The following ZSCAN2 variants were observed in gnomAD, a reference collection of about 807,000 sequenced individuals.
The protein encoded by ZSCAN2 is zinc finger and SCAN domain-containing protein 2.
Under a neutral mutation model 47.8 loss-of-function variants are expected in ZSCAN2, and 26 were observed. That is an observed-to-expected ratio of 0.54 (90% CI 0.40 to 0.75). The LOEUF is 0.75. Among genes scored for constraint, ZSCAN2 ranks in the 30% least tolerant of loss-of-function variants. The probability of loss-of-function intolerance (pLI) is 0.00; values close to 1 mark genes in which losing one functional copy is unlikely to be tolerated. For synonymous variants in ZSCAN2, 305 were observed against 288.7 expected, an observed-to-expected ratio of 1.06 and a Z score of -0.57; for missense variants, 732 against 785.4, an observed-to-expected ratio of 0.93 and a Z score of 0.81.
intron 2 of ZSCAN2, chr15:84,606,330 A>G: frequency 1.8e-6 from 1 of 549,430 alleles, no homozygotes; most frequent in South Asian, 1.9e-5. Context: ...TTGTCATTTC[A>G]CAGATAGGAA....
intron 2 of ZSCAN2, among the ~76,000 whole-genome samples, chr15:84,617,716 C>T (rs1895727872): frequency 6.6e-6 from 1 of 152,202 alleles, no homozygotes; most frequent in East Asian, 1.9e-4. Context: ...GCAGGAGGAT[C>T]ACTCAAGCCC....
intron 2 of ZSCAN2, chr15:84,616,325 A>G (rs760978630): frequency 2.0e-6 from 3 of 1,527,922 alleles, no homozygotes; most frequent in South Asian, 1.1e-5. Flanking sequence ...CTTCCTGCGT[A>G]CATGGCTGCC....
In ZSCAN2 at chr15:84,620,261, A is replaced by G. The variant is rs1895785372; in HGVS notation, c.407-341A>G. ...TTCCAATTCCATTCATGTCCCTGCA[A>G]AAGATATGATCTCATTCTTTTTTTT... is the stretch of plus-strand genomic sequence containing the variant. On this transcript the variant is annotated intron_variant, in intron 2 of 2. Transcript: ENST00000546148. 3.9e-5 allele frequency among the ~76,000 whole-genome samples: 6 copies of G among 152,328 alleles called. No individual in the cohort carries two copies. In the South Asian group the frequency reaches 1.2e-3, roughly 32 times the overall value.
rs146819106 is a variant in ZSCAN2 at position 84,611,343 on chromosome 15, C to G, written c.406+7010C>G. On this transcript the variant is annotated intron_variant, in intron 2 of 2. Coordinates refer to ENST00000546148, the MANE Select transcript of ZSCAN2 (RefSeq NM_181877.4). ...TGGTGGCACACACCTATAGTCCCAA[C>G]TACTTGGGGGCTGAGGTGGGAGGAT... Among the ~76,000 whole-genome samples, 533 of 152,194 alleles carry G rather than the reference C, an allele frequency of 3.5e-3. 2 individuals carry two copies. Among genetic ancestry groups the G allele is most frequent in the African/African-American group, 0.012 (505 of 41,520 alleles).
rs375259422 is a variant in ZSCAN2 at position 84,621,322 on chromosome 15, A to G, written c.1127A>G (p.Asn376Ser). Residue 376 changes from asparagine (N) to serine (S), a missense_variant, in exon 3 of 3, where the codon AAT becomes AGT. Asn to Ser is a conservative substitution (Grantham distance 46). This residue lies in a region of ZSCAN2 where 412 missense variants were observed against 498.0 expected (regional missense o/e 0.83). Transcript: ENST00000546148. The surrounding 1 kb of genome is among the most constrained non-coding windows in gnomAD (Gnocchi z 5.7). Reference protein sequence around the residue: ...ECGESFSYNSNLIRHQRIHTG... With the variant: ...ECGESFSYNSSLIRHQRIHTG... ...GGCGAAAGCTTTAGTTACAACTCCAATCTAATCAGACACCAGAGAATCCAC... is the reference window on the plus strand; with the variant it reads ...GGCGAAAGCTTTAGTTACAACTCCAGTCTAATCAGACACCAGAGAATCCAC... The G allele has an allele frequency of 1.2e-6, 2 of 1,613,876 alleles. No individual in the cohort carries two copies. Among genetic ancestry groups the G allele is most frequent in the South Asian group, 1.1e-5 (1 of 91,078 alleles).
chr15:84,614,023 C>A (rs1227934425), intron 2 of ZSCAN2, among the ~76,000 whole-genome samples: 2 of 119,610 alleles, frequency 1.7e-5, no homozygotes. Context: ...CAGAGTCTCA[C>A]TCTGTCACCC....
rs1895832076 is a variant in ZSCAN2 at position 84,622,146 on chromosome 15, G to GT, written c.*110dup. 9.2e-7 allele frequency: 1 copy of GT among 1,087,512 alleles called. No homozygotes were observed. The highest frequency in any genetic ancestry group is 2.4e-5 in the East Asian group (1 of 42,208). The allele number at this position is 1,087,512 out of a possible 1,614,324, so 67.4% of individuals were successfully genotyped here. On this transcript the variant is annotated 3_prime_UTR_variant, in exon 3 of 3. Coordinates refer to ENST00000546148, the MANE Select transcript of ZSCAN2 (RefSeq NM_181877.4). ...CTGTGCTTCCTAAACATTCTGGGGG[G>GT]TTTTGCCAGAGTCTTCCCCTTGCTC... is the stretch of plus-strand genomic sequence containing the variant.
chr15:84,601,020 A>T lies in ZSCAN2; in HGVS notation c.-224A>T, dbSNP rs1436377588. ...GGCGGTGGGCGGGCCTCTCCCGTCC[A>T]TTGTTCTCGGTGCCCCACGGGCTTG... is the stretch of plus-strand genomic sequence containing the variant. On this transcript the variant is annotated 5_prime_UTR_variant, in exon 1 of 3. Transcript: ENST00000546148. The T allele has an allele frequency of 6.6e-6, 1 of 151,970 alleles. No individual in the cohort carries two copies. The highest frequency in any genetic ancestry group is 2.4e-5 in the African/African-American group (1 of 41,346). The allele number at this position is 151,970 out of a possible 1,614,324, so 9.4% of individuals were successfully genotyped here. A position where few individuals can be genotyped will look rare whatever the true frequency, so the allele number is the denominator to read the frequency against.
At position 84,620,972 on chromosome 15, in the gene ZSCAN2, T is replaced by C. The variant is rs761542428; in HGVS notation, c.777T>C (p.Phe259=). ...AATGTGATGAATGTGGAAAAAGCTT[T>C]AGTGATGGTTCAAATTTTAGTAGAC... ...YYKCDECGKS[F]SDGSNFSRHQ... Residue 259 remains phenylalanine, a synonymous_variant, in exon 3 of 3, where the codon TTT becomes TTC. Coordinates refer to ENST00000546148, the MANE Select transcript of ZSCAN2 (RefSeq NM_181877.4). 3.7e-6 allele frequency: 6 copies of C among 1,613,460 alleles called. No homozygotes were observed. In the South Asian group the frequency reaches 5.5e-5, roughly 15 times the overall value.
chr15:84,621,094 A>G lies in ZSCAN2; in HGVS notation c.899A>G (p.His300Arg). 1.2e-6 allele frequency: 2 copies of G among 1,614,172 alleles called. No homozygotes were observed. The highest frequency in any genetic ancestry group is 1.3e-5 in the African/African-American group (1 of 75,046). Residue 300 changes from histidine (H) to arginine (R), a missense_variant, in exon 3 of 3, where the codon CAC becomes CGC. By Grantham distance (29) the His-to-Arg change is conservative. Around this residue, in one of 2 missense-constraint regions of ZSCAN2, gnomAD observed 412 missense variants for 498.0 expected, o/e 0.83. Transcript: ENST00000546148. The surrounding 1 kb of genome is among the most constrained non-coding windows in gnomAD (Gnocchi z 5.7). ...SANLITHQRI[H>R]TGEKPFQCAE... ...AACCTCATAACCCACCAGAGGATCC[A>G]CACGGGGGAAAAGCCCTTCCAGTGT...
intron 2 of ZSCAN2, among the ~76,000 whole-genome samples, chr15:84,608,403 T>C (rs1345107956): frequency 6.6e-6 from 1 of 151,776 alleles, no homozygotes; most frequent in Non-Finnish European, 1.5e-5. Flanking sequence ...CATGGTGGCA[T>C]GTGCCTGTAA....
chr15:84,611,574 C>T (rs955108135), intron 2 of ZSCAN2: 3 of 152,156 alleles, frequency 2.0e-5, no homozygotes, highest in African/African-American at 7.2e-5. Flanking sequence ...GTGGTGAAAC[C>T]TCATCTCTAC....
intron 2 of ZSCAN2, among the ~76,000 whole-genome samples, chr15:84,610,366 ATGTT>A (rs1382202584): frequency 1.3e-5 from 2 of 152,122 alleles, no homozygotes; most frequent in Admixed American, 6.5e-5. Context: ...AAGGACTTTC[ATGTT>A]TGTTTGACAG....
chr15:84,618,531 T>C (rs1049902939), intron 2 of ZSCAN2, among the ~76,000 whole-genome samples: 15 of 151,744 alleles, frequency 9.9e-5, no homozygotes, highest in Admixed American at 5.3e-4. Flanking sequence ...AACAACTTCC[T>C]GGCAGCATTA....
Position 84,621,656 on chromosome 15 carries a change from C to T in ZSCAN2, c.1461C>T (p.Ser487=). The change falls in exon 3 of 3, where the codon TCC becomes TCT. Residue 487 remains serine, a synonymous_variant. Coordinates refer to ENST00000546148, the MANE Select transcript of ZSCAN2 (RefSeq NM_181877.4). The surrounding 1 kb of genome is among the most constrained non-coding windows in gnomAD (Gnocchi z 5.7). ...LTCGESFSWS[S]NLLKHQRIHT... The stretch of plus-strand genomic sequence containing the variant: ...GTGGGGAGAGCTTCAGCTGGAGCTC[C>T]AACCTCCTCAAGCACCAGAGGATCC... The T allele has an allele frequency of 6.2e-7, 1 of 1,613,506 alleles. No homozygotes were observed. Among genetic ancestry groups the T allele is most frequent in the Non-Finnish European group, 8.5e-7 (1 of 1,179,844 alleles).
chr15:84,613,174 T>C (rs996842869), intron 2 of ZSCAN2, among the ~76,000 whole-genome samples: 1 of 152,244 alleles, frequency 6.6e-6, no homozygotes, highest in Admixed American at 6.5e-5. Context: ...ATACAGATTA[T>C]CTTTTCTCTT....
At chr15:84,616,626 C>T (rs937526809) in intron 2 of ZSCAN2, 37 of 1,197,452 alleles carry the variant, frequency 3.1e-5, no homozygotes, top group Middle Eastern at 3.3e-4. Flanking sequence ...TTGTTGCTTC[C>T]GAGCTCATTG....
At chr15:84,616,646 C>T in intron 2 of ZSCAN2, 1 of 1,155,888 alleles carries the variant, frequency 8.7e-7, no homozygotes, top group East Asian at 4.4e-5. Flanking sequence ...GGAGAGCTAA[C>T]CAGTTCTGAT....
intron 2 of ZSCAN2, chr15:84,616,311 A>T: frequency 7.0e-7 from 1 of 1,418,902 alleles, no homozygotes; most frequent in Non-Finnish European, 1.0e-6. Flanking sequence ...CTTTCCAGAA[A>T]CAGCTTCCTG....
Sources: gnomAD v4.1 joint callset for allele counts (sites outside exome capture counted in the v4.1 genomes callset) on GRCh38, gnomAD v4.1.1 for gene constraint, gnomAD v4.1.1 regional missense constraint, Gnocchi (gnomAD v3.1) non-coding constraint, MANE v1.5 for transcripts, NCBI Gene and HGNC (gene_info 2026-07-23, HGNC 2026-07-21) for gene names.